Variants in CACNB4 observed in about 807,000 individuals in gnomAD.
CACNB4 encodes calcium voltage-gated channel auxiliary subunit beta 4.
A neutral mutation model predicts 71.2 loss-of-function variants in CACNB4; 32 were observed. That is an observed-to-expected ratio of 0.45 (90% CI 0.34 to 0.60). The LOEUF is 0.60. Among genes scored for constraint, CACNB4 ranks in the 20% least tolerant of loss-of-function variants. CACNB4 has a pLI of 0.01. For synonymous variants in CACNB4, 231 were observed against 236.9 expected (o/e 0.97, Z 0.23); for missense variants, 464 against 647.9 (o/e 0.72, Z 3.08).
At chr2:152,015,954 A>G (rs1175189041) in intron 2 of CACNB4, among the ~76,000 whole-genome samples, 1 of 152,258 alleles carries the variant, frequency 6.6e-6, no homozygotes, top group African/African-American at 2.4e-5. Flanking sequence ...TGTGCTAAAA[A>G]TACATCGTTT....
At chr2:152,014,364 A>G (rs985830024) in intron 2 of CACNB4, among the ~76,000 whole-genome samples, 2 of 142,860 alleles carry the variant, frequency 1.4e-5, no homozygotes, top group African/African-American at 4.9e-5. Context: ...AAAACAAAAG[A>G]GTCATTCTTG....
intron 2 of CACNB4, among the ~76,000 whole-genome samples, chr2:151,956,332 T>G (rs2099868247): frequency 6.6e-6 from 1 of 152,240 alleles, no homozygotes. Flanking sequence ...AAATGTGATA[T>G]ATCCATGTAA....
chr2:152,038,758 G>T (rs1310737172), intron 2 of CACNB4, among the ~76,000 whole-genome samples: 1 of 152,204 alleles, frequency 6.6e-6, no homozygotes, highest in Non-Finnish European at 1.5e-5. Context: ...CCACACAGAT[G>T]GGGACAGAGG....
chr2:152,005,641 C>CACATGTAT (rs1682682127), intron 2 of CACNB4, among the ~76,000 whole-genome samples: 1 of 152,158 alleles, frequency 6.6e-6, no homozygotes, highest in African/African-American at 2.4e-5. Flanking sequence ...AACAAACCTG[C>CACATGTAT]ACATGTATTT....
intron 9 of CACNB4, chr2:151,861,851 A>AAAAAAAAAAAAAAAAAACAAAAAAC (rs201014643): frequency 7.4e-6 from 1 of 135,288 alleles, no homozygotes; most frequent in African/African-American, 2.9e-5. Flanking sequence ...TCAAAAAAAA[A>AAAAAAAAAAAAAAAAAACAAAAAAC]AAAAAAACTG....
intron 12 of CACNB4, chr2:151,853,237 G>C: frequency 4.1e-6 from 2 of 485,788 alleles, no homozygotes; most frequent in South Asian, 5.7e-5. Flanking sequence ...CGGACACTAA[G>C]TTCATTTCTT....
At chr2:152,055,972 C>A (rs1419593963) in intron 2 of CACNB4, among the ~76,000 whole-genome samples, 1 of 152,142 alleles carries the variant, frequency 6.6e-6, no homozygotes, top group Admixed American at 6.5e-5. Flanking sequence ...CACCACCACG[C>A]CCCTGTGACT....
chr2:151,875,743 G>A (rs1462007537), intron 5 of CACNB4, among the ~76,000 whole-genome samples: 1 of 101,336 alleles, frequency 9.9e-6, no homozygotes, highest in South Asian at 4.3e-4. Context: ...CAGTAGGGGC[G>A]GCCGGGCAGA....
chr2:151,935,359 C>T (rs918514545), intron 2 of CACNB4, among the ~76,000 whole-genome samples: 48 of 152,330 alleles, frequency 3.2e-4, no homozygotes, highest in African/African-American at 1.1e-3. Flanking sequence ...ACTCCTATTA[C>T]ACTTATATAC....
chr2:152,051,096 C>T (rs938145874), intron 2 of CACNB4, among the ~76,000 whole-genome samples: 1 of 152,046 alleles, frequency 6.6e-6, no homozygotes. Context: ...AACACCACCA[C>T]CAACCACAGA....
intron 2 of CACNB4, among the ~76,000 whole-genome samples, chr2:151,981,403 G>A (rs2099874694): frequency 6.6e-6 from 1 of 152,150 alleles, no homozygotes; most frequent in Non-Finnish European, 1.5e-5. Context: ...GTGAGCCAAG[G>A]AAATCTGTGA....
Position 151,870,610 on chromosome 2 carries a change from G to C in CACNB4, c.620C>G (p.Thr207Arg). ...AACATCGTAAGGAGGAATGTGCTCC[G>C]TCTGAAAAAGATGATTCGACACGCG... Reference protein sequence around the residue: ...TSTAKQKQKVTEHIPPYDVVP... With the variant: ...TSTAKQKQKVREHIPPYDVVP... The change falls in exon 8 of 14, where the codon ACG (threonine) becomes AGG (arginine). Residue 207 changes from threonine (T) to arginine (R), a missense_variant and splice_region_variant. Transcript: ENST00000539935. The C allele has an allele frequency of 6.2e-7, 1 of 1,612,744 alleles. No homozygotes were observed. Among genetic ancestry groups the C allele is most frequent in the Admixed American group, 1.7e-5 (1 of 59,932 alleles).
At chr2:152,035,651 C>CTCTCTCTCTATATA (rs796161186) in intron 2 of CACNB4, among the ~76,000 whole-genome samples, 24 of 118,072 alleles carry the variant, frequency 2.0e-4, no homozygotes, top group African/African-American at 4.0e-4. Flanking sequence ...CTCTCTCTCT[C>CTCTCTCTCTATATA]TATATATATA....
chr2:151,964,975 C>T (rs976609752), intron 2 of CACNB4, among the ~76,000 whole-genome samples: 3 of 152,104 alleles, frequency 2.0e-5, no homozygotes, highest in Admixed American at 6.6e-5. Flanking sequence ...ACCTTGGTTC[C>T]GTTCCTATAT....
At chr2:152,011,631 C>T (rs571848582) in intron 2 of CACNB4, among the ~76,000 whole-genome samples, 2 of 152,294 alleles carry the variant, frequency 1.3e-5, no homozygotes, top group South Asian at 2.1e-4. Context: ...TGACTGATCA[C>T]CCTGGTGTTT....
At chr2:152,091,650 A>G (rs1420052368) in intron 2 of CACNB4, among the ~76,000 whole-genome samples, 1 of 152,054 alleles carries the variant, frequency 6.6e-6, no homozygotes, top group African/African-American at 2.4e-5. Context: ...AAAAATAAAC[A>G]TAAACGTAAC....
chr2:151,909,083 TATAA>T (rs986532420), intron 2 of CACNB4, among the ~76,000 whole-genome samples: 4 of 147,856 alleles, frequency 2.7e-5, no homozygotes, highest in African/African-American at 9.8e-5. Context: ...CCTATCTATA[TATAA>T]ATATATTTAT....
intron 2 of CACNB4, among the ~76,000 whole-genome samples, chr2:151,933,385 A>G (rs903891476): frequency 2.0e-5 from 3 of 151,992 alleles, no homozygotes; most frequent in African/African-American, 7.2e-5. Flanking sequence ...TCACTTTACA[A>G]TGAGCTAGTA....
chr2:151,961,408 C>A (rs1349624856), intron 2 of CACNB4, among the ~76,000 whole-genome samples: 3 of 152,218 alleles, frequency 2.0e-5, no homozygotes, highest in Admixed American at 6.5e-5. Flanking sequence ...CTTTTATTTG[C>A]TCCTATTGCT....
Sources: allele counts gnomAD v4.1 joint callset (sites outside exome capture counted in the v4.1 genomes callset), GRCh38; gene constraint gnomAD v4.1.1; transcripts MANE v1.5; gene names NCBI Gene and HGNC (gene_info 2026-07-23, HGNC 2026-07-21).